The following SUPT16H variants were observed in gnomAD, a reference collection of about 807,000 sequenced individuals.
SUPT16H encodes the protein SPT16 homolog, facilitates chromatin remodeling subunit.
SUPT16H carries 24 observed loss-of-function variants against 136.2 expected under a neutral mutation model. The observed-to-expected ratio is 0.18, with a 90% CI of 0.13 to 0.25. SUPT16H has a LOEUF of 0.25. SUPT16H is among the 10% of genes least tolerant of loss of function. The probability of loss-of-function intolerance (pLI) is 1.00; values close to 1 mark genes in which losing one functional copy is unlikely to be tolerated. For synonymous variants in SUPT16H, 415 were observed against 428.2 expected (o/e 0.97, Z 0.38); for missense variants, 623 against 1,270.2 (o/e 0.49, Z 7.74).
intron 6 of SUPT16H, among the ~76,000 whole-genome samples, chr14:21,368,891 ATAGATAACAGAGAC>A (rs1886728337): frequency 6.6e-6 from 1 of 152,218 alleles, no homozygotes; most frequent in South Asian, 2.1e-4. Context: ...TAGGGAAAAA[ATAGATAACAGAGAC>A]TGGTAAGGGT....
At chr14:21,357,758 G>A (rs895510915) in intron 21 of SUPT16H, among the ~76,000 whole-genome samples, 169 bp downstream of exon 21, 2 of 152,090 alleles carry the variant, frequency 1.3e-5, no homozygotes, top group Non-Finnish European at 2.9e-5. Context: ...TTACAGGTGT[G>A]AGCCATTATG....
At chr14:21,364,006 G>A (rs2139404082) in intron 10 of SUPT16H, among the ~76,000 whole-genome samples, 1 of 152,226 alleles carries the variant, frequency 6.6e-6, no homozygotes, top group African/African-American at 2.4e-5. Flanking sequence ...AGGCAACATT[G>A]GGTAATCACT....
chr14:21,381,710 A>G (rs1012315783), intron 1 of SUPT16H, among the ~76,000 whole-genome samples: 3 of 151,722 alleles, frequency 2.0e-5, no homozygotes, highest in African/African-American at 7.3e-5. Context: ...CCTGGGCTCA[A>G]GGGATCCTTC....
chr14:21,383,472 G>A, intron 1 of SUPT16H: 1 of 569,646 alleles, frequency 1.8e-6, no homozygotes, highest in Admixed American at 3.2e-5. Context: ...ATCCTGGCGG[G>A]ACCAGGGGTG....
chr14:21,368,158 ATCC>A lies in SUPT16H; in HGVS notation c.955+108_955+110del, dbSNP rs1886710830. On this transcript the variant is annotated intron_variant, in intron 7 of 25. Coordinates refer to ENST00000216297, the MANE Select transcript of SUPT16H (RefSeq NM_007192.4). Reference sequence around the variant, plus strand: ...GGTCTTGAACTCCTGGATTCAAGTGATCCTCCTGCCTCGGCCTCCCAGTGTAGG... The same window carrying A: ...GGTCTTGAACTCCTGGATTCAAGTGATCCTGCCTCGGCCTCCCAGTGTAGG... 4.5e-6 allele frequency: 5 copies of A among 1,105,454 alleles called. No individual in the cohort carries two copies. In the South Asian group the frequency reaches 6.3e-5, roughly 14 times the overall value. 68.5% of individuals were successfully genotyped at this position (1,105,454 alleles called of 1,614,324 possible).
intron 22 of SUPT16H, 31 bp from the exon 23 acceptor site, chr14:21,354,571 A>T (rs1886387387): frequency 6.2e-7 from 1 of 1,610,088 alleles, no homozygotes; most frequent in South Asian, 1.1e-5. Flanking sequence ...AAGTCAAATC[A>T]ATCTTCTGTA....
chr14:21,364,503 TG>T (rs1294029438), intron 10 of SUPT16H, among the ~76,000 whole-genome samples: 1 of 152,134 alleles, frequency 6.6e-6, no homozygotes, highest in African/African-American at 2.4e-5. Context: ...ACATATCAGG[TG>T]GGTGAATTGT....
At chr14:21,380,742 T>A (rs9322978) in intron 1 of SUPT16H, among the ~76,000 whole-genome samples, 123,861 of 151,908 alleles carry the variant, frequency 0.82, 51,664 homozygotes, top group South Asian at 0.91. Flanking sequence ...GGTCCACTCA[T>A]ATCAGAATGT....
intron 11 of SUPT16H, 54 bp from the exon 12 acceptor site, chr14:21,363,382 T>A (rs1886597953): frequency 1.2e-6 from 2 of 1,606,134 alleles, no homozygotes; most frequent in South Asian, 2.2e-5. Flanking sequence ...TAGCCAATAT[T>A]ATTTAACTTC....
chr14:21,379,310 C>A (rs1054615107), intron 1 of SUPT16H, among the ~76,000 whole-genome samples: 1 of 151,866 alleles, frequency 6.6e-6, no homozygotes, highest in African/African-American at 2.4e-5. Flanking sequence ...GTGGCACACA[C>A]CTGTAATCTC....
chr14:21,353,620 A>T, intron 24 of SUPT16H, 55 bp from the exon 25 acceptor site: 1 of 1,605,552 alleles, frequency 6.2e-7, no homozygotes, highest in Non-Finnish European at 8.5e-7. Context: ...ATGGAACGAC[A>T]GAGTTCTTAG....
intron 2 of SUPT16H, 74 bp from the exon 3 acceptor site, chr14:21,372,118 A>G (rs767773894): frequency 2.1e-6 from 3 of 1,454,622 alleles, no homozygotes; most frequent in Non-Finnish European, 2.8e-6. Context: ...ATATACAGAA[A>G]TACTTATAGA....
chr14:21,383,202 A>T (rs183804992), intron 1 of SUPT16H: 58 of 167,668 alleles, frequency 3.5e-4, no homozygotes, highest in Admixed American at 1.2e-3. Flanking sequence ...CTTTTAATGA[A>T]CACGTGCCCC....
At chr14:21,359,666 GGAAATGGCAGT>G (rs1415877752) in intron 18 of SUPT16H, 57 bp from the exon 19 acceptor site, 1 of 1,578,960 alleles carries the variant, frequency 6.3e-7, no homozygotes, top group Non-Finnish European at 8.6e-7. Context: ...TATCTGTGAT[GGAAATGGCAGT>G]GATCCAAACT....
chr14:21,369,980 T>A, intron 4 of SUPT16H, 84 bp from the exon 5 acceptor site: 1 of 1,483,474 alleles, frequency 6.7e-7, no homozygotes. Flanking sequence ...ATATTACCAG[T>A]GATATTTCTG....
chr14:21,358,362 A>G lies in SUPT16H; in HGVS notation c.2367T>C (p.Ala789=). ...CAAATTCCAGTTCCTCCTTAGTTAG[A>G]GCCTCTACTTTCTCAATGAAATTTT... ...AFKNFIEKVE[A]LTKEELEFEV... The change falls in exon 20 of 26, where the codon GCT becomes GCC. Residue 789 remains alanine (A), a synonymous_variant. Transcript: ENST00000216297. 1 of 1,613,980 alleles carries G rather than the reference A, an allele frequency of 6.2e-7. No homozygotes were observed.
chr14:21,383,095 A>G (rs1346818274), intron 1 of SUPT16H: 1 of 152,802 alleles, frequency 6.5e-6, no homozygotes, highest in African/African-American at 2.4e-5. Flanking sequence ...TGTTTGCTCA[A>G]TTAGTAAGTT....
intron 1 of SUPT16H, among the ~76,000 whole-genome samples, chr14:21,374,503 C>T (rs2139415832): frequency 6.6e-6 from 1 of 152,366 alleles, no homozygotes; most frequent in South Asian, 2.1e-4. Flanking sequence ...ACTCCCCTAT[C>T]TCCATCTCAG....
At chr14:21,364,798 A>G in intron 10 of SUPT16H, 29 bp downstream of exon 10, 1 of 1,596,104 alleles carries the variant, frequency 6.3e-7, no homozygotes, top group Non-Finnish European at 8.6e-7. Context: ...TAGTTCATGA[A>G]GACTCCAAAG....
Sources: allele counts gnomAD v4.1 joint callset (sites outside exome capture counted in the v4.1 genomes callset), GRCh38; gene constraint gnomAD v4.1.1; transcripts MANE v1.5; gene names NCBI Gene and HGNC (gene_info 2026-07-23, HGNC 2026-07-21).